ULK2: variants seen among roughly 807,000 people sequenced by gnomAD.
ULK2 encodes the protein serine/threonine-protein kinase ULK2.
A neutral mutation model predicts 127.5 loss-of-function variants in ULK2; 76 were observed. That is an observed-to-expected ratio of 0.60 (90% CI 0.50 to 0.72). The LOEUF (loss-of-function observed/expected upper bound fraction) is 0.72. Ranked by LOEUF, ULK2 falls within the 30% of genes least tolerant of loss-of-function variation. The probability of loss-of-function intolerance (pLI) is 0.00; values close to 1 mark genes in which losing one functional copy is unlikely to be tolerated. For missense variants in ULK2, 1,144 were observed against 1,295.9 expected (o/e 0.88, Z 1.80); for synonymous variants, 452 against 461.9 (o/e 0.98, Z 0.28).
Position 19,826,196 on chromosome 17 carries a change from GA to G in ULK2, c.788-11del. ...TGGCTAAAAAATGCTTCTGTAACAA[GA>G]AATGAGAATGCAACCTTTAAAGAGA... On this transcript the variant is annotated splice_polypyrimidine_tract_variant and intron_variant, in intron 10 of 26. Transcript: ENST00000395544. 7.0e-7 allele frequency: 1 copy of G among 1,436,332 alleles called. No homozygotes were observed. Among genetic ancestry groups the G allele is most frequent in the South Asian group, 1.6e-5 (1 of 62,376 alleles). 89.0% of individuals were successfully genotyped at this position (1,436,332 alleles called of 1,614,324 possible).
intron 10 of ULK2, among the ~76,000 whole-genome samples, chr17:19,829,674 A>G (rs2041388504): frequency 6.6e-6 from 1 of 151,290 alleles, no homozygotes; most frequent in South Asian, 2.1e-4. Context: ...TGTCTCTACT[A>G]AAAATATAAA....
chr17:19,791,264 C>A (rs572140988), intron 20 of ULK2, among the ~76,000 whole-genome samples: 1 of 152,294 alleles, frequency 6.6e-6, no homozygotes, highest in Non-Finnish European at 1.5e-5. Context: ...TAAACAACAA[C>A]AACAACCAGG....
In ULK2 at chr17:19,775,633, G is replaced by A. The variant is rs1367024204; in HGVS notation, c.*716C>T. 6.6e-6 allele frequency: 1 copy of A among 152,132 alleles called. No homozygotes were observed. The highest frequency in any genetic ancestry group is 2.4e-5 in the African/African-American group (1 of 41,262). The allele number at this position is 152,132 out of a possible 1,614,324, so 9.4% of individuals were successfully genotyped here. A position where few individuals can be genotyped will look rare whatever the true frequency, so the allele number is the denominator to read the frequency against. Reference sequence around the variant, plus strand: ...AGTTTTAACCACTTAAAAGTTCACTGGAGATTACATGTGAATTCTGGAAAG... The same window carrying A: ...AGTTTTAACCACTTAAAAGTTCACTAGAGATTACATGTGAATTCTGGAAAG... On this transcript the variant is annotated 3_prime_UTR_variant, in exon 27 of 27. Transcript: ENST00000395544.
chr17:19,792,911 C>A (rs2087187103), intron 20 of ULK2, among the ~76,000 whole-genome samples: 1 of 152,086 alleles, frequency 6.6e-6, no homozygotes, highest in Non-Finnish European at 1.5e-5. Flanking sequence ...GTAATCAAGG[C>A]AGTATGGTAC....
intron 20 of ULK2, among the ~76,000 whole-genome samples, chr17:19,791,042 C>G (rs1215286823): frequency 6.6e-6 from 1 of 152,098 alleles, no homozygotes; most frequent in Non-Finnish European, 1.5e-5. Context: ...GAGATAGACC[C>G]CAATACAATA....
chr17:19,784,736 G>A (rs1361563992), intron 21 of ULK2, among the ~76,000 whole-genome samples: 2 of 151,756 alleles, frequency 1.3e-5, no homozygotes, highest in African/African-American at 2.4e-5. Flanking sequence ...ATGTTGCCCA[G>A]GCTGGTCTCA....
chr17:19,841,611 T>A lies in ULK2; in HGVS notation c.646-64A>T, dbSNP rs989955332. The A allele has an allele frequency of 1.7e-5, 22 of 1,306,610 alleles. No homozygotes were observed. In the Admixed American group the frequency reaches 4.9e-4, roughly 29 times the overall value. 80.9% of individuals were successfully genotyped at this position (1,306,610 alleles called of 1,614,324 possible). A position where few individuals can be genotyped will look rare whatever the true frequency, so the allele number is the denominator to read the frequency against. On this transcript the variant is annotated intron_variant, in intron 8 of 26. Transcript: ENST00000395544. Reference sequence around the variant, plus strand: ...GGGCAAAACTTTCAAATCATATGATTGACACTCATATGCTTTTTTTTTAAG... The same window carrying A: ...GGGCAAAACTTTCAAATCATATGATAGACACTCATATGCTTTTTTTTTAAG...
chr17:19,799,446 C>T, intron 17 of ULK2, 49 bp downstream of exon 17: 2 of 1,384,386 alleles, frequency 1.4e-6, no homozygotes, highest in Non-Finnish European at 1.9e-6. Context: ...AACTCAAATC[C>T]ATTTATAATA....
At chr17:19,865,704 T>G (rs1173670519) in intron 2 of ULK2, 32 bp downstream of exon 2, 1 of 1,294,658 alleles carries the variant, frequency 7.7e-7, no homozygotes, top group Non-Finnish European at 1.1e-6. Flanking sequence ...AGTTTTAACC[T>G]TATATGAATA....
At chr17:19,813,216 C>T (rs1319669393) in intron 13 of ULK2, among the ~76,000 whole-genome samples, 1 of 152,108 alleles carries the variant, frequency 6.6e-6, no homozygotes, top group East Asian at 1.9e-4. Flanking sequence ...TATCATTCAT[C>T]AAAGAGGCTT....
intron 12 of ULK2, among the ~76,000 whole-genome samples, chr17:19,821,701 C>T (rs545543301): frequency 6.6e-6 from 1 of 152,174 alleles, no homozygotes; most frequent in South Asian, 2.1e-4. Context: ...CTGCTTTCCA[C>T]TTTATTTCCA....
Position 19,823,458 on chromosome 17 carries a change from A to G in ULK2, c.924+1636T>C, listed in dbSNP as rs570387974. On this transcript the variant is annotated intron_variant, in intron 12 of 26. Coordinates refer to ENST00000395544, the MANE Select transcript of ULK2 (RefSeq NM_014683.4). The stretch of plus-strand genomic sequence containing the variant: ...GCCTCTCTCATCCCTCAGTCACACT[A>G]TCACCCCACAGGCTCCTTTATGTTT... Among the ~76,000 whole-genome samples the G allele has an allele frequency of 6.6e-4, 100 of 152,190 alleles. 1 individual carries two copies. Among genetic ancestry groups the G allele is most frequent in the African/African-American group, 2.4e-3 (99 of 41,534 alleles).
chr17:19,846,295 T>C (rs1597804677), intron 6 of ULK2, among the ~76,000 whole-genome samples: 1 of 150,684 alleles, frequency 6.6e-6, no homozygotes, highest in Non-Finnish European at 1.5e-5. Flanking sequence ...AGGATTCACC[T>C]ATCTAAGAGA....
intron 1 of ULK2, among the ~76,000 whole-genome samples, chr17:19,866,860 G>A (rs1020711216): frequency 6.6e-6 from 1 of 152,166 alleles, no homozygotes; most frequent in Non-Finnish European, 1.5e-5. Context: ...ACCAGTGCTG[G>A]GAAAGGTGAC....
At chr17:19,814,438 A>ATATTTTTTT (rs1318303261) in intron 13 of ULK2, among the ~76,000 whole-genome samples, 1 of 23,334 alleles carries the variant, frequency 4.3e-5, no homozygotes, top group African/African-American at 1.9e-4. Flanking sequence ...ATATATATAT[A>ATATTTTTTT]TTTTTTTTTT....
intron 13 of ULK2, 93 bp from the exon 14 acceptor site, chr17:19,810,531 C>T (rs1038805574): frequency 1.4e-5 from 10 of 716,748 alleles, no homozygotes; most frequent in African/African-American, 9.2e-5. Context: ...ATTTCATGCA[C>T]GATGCAAAAT....
chr17:19,777,924 C>T (rs537290901), intron 25 of ULK2, among the ~76,000 whole-genome samples: 10 of 152,326 alleles, frequency 6.6e-5, no homozygotes, highest in African/African-American at 1.9e-4. Flanking sequence ...TGCTTTCAAA[C>T]ACAGCCTTCT....
chr17:19,863,381 A>G (rs942788808), intron 3 of ULK2, among the ~76,000 whole-genome samples: 1 of 152,148 alleles, frequency 6.6e-6, no homozygotes, highest in Non-Finnish European at 1.5e-5. Flanking sequence ...GTAAATCATC[A>G]TGCTGACCTG....
intron 25 of ULK2, among the ~76,000 whole-genome samples, chr17:19,780,155 C>T (rs1485882809): frequency 7.2e-6 from 1 of 139,790 alleles, no homozygotes; most frequent in East Asian, 2.1e-4. Context: ...GCCTGGGCGA[C>T]AGAGTAACTC....
Sources: allele counts gnomAD v4.1 joint callset (sites outside exome capture counted in the v4.1 genomes callset), GRCh38; gene constraint gnomAD v4.1.1; transcripts MANE v1.5; gene names NCBI Gene and HGNC (gene_info 2026-07-23, HGNC 2026-07-21).